ULK4: variants seen among roughly 807,000 people sequenced by gnomAD.
ULK4 encodes unc-51 like kinase 4.
In ULK4, 133 loss-of-function variants were observed where a neutral mutation model predicts 160.6. The ratio of observed to expected loss-of-function variants is 0.83; its 90% CI spans 0.72 to 0.96. The LOEUF (loss-of-function observed/expected upper bound fraction) is 0.96. ULK4 is among the 40% of genes least tolerant of loss of function. The pLI is 0.00. For missense variants in ULK4, 1,580 were observed against 1,499.5 expected (o/e 1.05, Z -0.89); for synonymous variants, 534 against 539.8 (o/e 0.99, Z 0.15).
intron 14 of ULK4, among the ~76,000 whole-genome samples, chr3:41,897,850 C>T (rs1226741770): frequency 1.3e-5 from 2 of 152,038 alleles, no homozygotes; most frequent in Admixed American, 6.6e-5. Flanking sequence ...ATAATTTTCC[C>T]CAAATCGAGT....
At chr3:41,265,182 G>A (rs1467111595) in intron 35 of ULK4, among the ~76,000 whole-genome samples, 1 of 152,234 alleles carries the variant, frequency 6.6e-6, no homozygotes, top group African/African-American at 2.4e-5. Flanking sequence ...GCAGGTAGGG[G>A]ACCATCTCAG....
chr3:41,446,315 T>C (rs984473405), intron 34 of ULK4, among the ~76,000 whole-genome samples: 3 of 152,144 alleles, frequency 2.0e-5, no homozygotes, highest in African/African-American at 7.2e-5. Flanking sequence ...GAAGTCAGTG[T>C]GGCGATTCCT....
At chr3:41,704,028 T>A (rs2036777927) in intron 27 of ULK4, among the ~76,000 whole-genome samples, 1 of 152,228 alleles carries the variant, frequency 6.6e-6, no homozygotes, top group Non-Finnish European at 1.5e-5. Context: ...ACAGTTTTTA[T>A]TTCTAAATTC....
chr3:41,891,888 G>A (rs987594429), intron 16 of ULK4, among the ~76,000 whole-genome samples: 1 of 152,176 alleles, frequency 6.6e-6, no homozygotes, highest in African/African-American at 2.4e-5. Flanking sequence ...CTGAGTGACT[G>A]AGCGAGACTC....
intron 32 of ULK4, among the ~76,000 whole-genome samples, chr3:41,533,922 C>T (rs894174219): frequency 3.3e-5 from 5 of 152,196 alleles, no homozygotes; most frequent in Non-Finnish European, 5.9e-5. Context: ...ATTCTCCTGC[C>T]TCAGCCTCCT....
At chr3:41,704,934 T>A in intron 27 of ULK4, 123 bp downstream of exon 27, 1 of 647,952 alleles carries the variant, frequency 1.5e-6, no homozygotes, top group Non-Finnish European at 2.5e-6. Flanking sequence ...GGTAGGGGGG[T>A]TCTGAATGGT....
rs58524691 is a variant in ULK4, at chr3:41,692,760, C to G, written c.2782-10956G>C. Among the ~76,000 whole-genome samples, 25 of 152,230 alleles carry G rather than the reference C, an allele frequency of 1.6e-4. No homozygotes were observed. The East Asian group carries it at 4.8e-3, about 29-fold the overall frequency. ...GTGCTAAAGTTCATTTGACAATGTG[C>G]TCTGAAAGCAGAGACCTACTGAACT... On this transcript the variant is annotated intron_variant, in intron 27 of 36. Coordinates refer to ENST00000301831, the MANE Select transcript of ULK4 (RefSeq NM_017886.4).
intron 2 of ULK4, among the ~76,000 whole-genome samples, chr3:41,939,717 G>A (rs1699890548): frequency 6.6e-6 from 1 of 152,090 alleles, no homozygotes; most frequent in Admixed American, 6.5e-5. Flanking sequence ...CCATGGACCA[G>A]TCCAGGTCCA....
intron 34 of ULK4, among the ~76,000 whole-genome samples, chr3:41,405,352 C>T (rs1023741568): frequency 6.6e-6 from 1 of 152,062 alleles, no homozygotes; most frequent in East Asian, 1.9e-4. Context: ...GTATATGTAT[C>T]ATATTTTCTT....
chr3:41,635,444 A>G (rs2033915218), intron 30 of ULK4, among the ~76,000 whole-genome samples: 1 of 152,038 alleles, frequency 6.6e-6, no homozygotes, highest in African/African-American at 2.4e-5. Flanking sequence ...ATATAAATAT[A>G]TAGAAGCATA....
chr3:41,509,560 A>T (rs1256396), intron 32 of ULK4, among the ~76,000 whole-genome samples: 127,788 of 152,116 alleles, frequency 0.84, 54,986 homozygotes, highest in Non-Finnish European at 0.94. Context: ...AAAGGATCTT[A>T]AGAGCTGTGA....
At chr3:41,460,881 T>A (rs1008143494) in intron 33 of ULK4, among the ~76,000 whole-genome samples, 2 of 152,262 alleles carry the variant, frequency 1.3e-5, no homozygotes, top group Non-Finnish European at 2.9e-5. Flanking sequence ...ATGAGGAAAC[T>A]GATACTTAGG....
chr3:41,496,647 C>G (rs2085002268), intron 32 of ULK4, among the ~76,000 whole-genome samples: 1 of 152,092 alleles, frequency 6.6e-6, no homozygotes, highest in Admixed American at 6.5e-5. Flanking sequence ...CTGCCCTAGT[C>G]TTTGGCTTTA....
chr3:41,839,985 G>A (rs2041864641), intron 17 of ULK4, among the ~76,000 whole-genome samples: 1 of 152,078 alleles, frequency 6.6e-6, no homozygotes, highest in Admixed American at 6.5e-5. Flanking sequence ...TCAACGTAGT[G>A]GAAAATGTCA....
chr3:41,579,908 C>A (rs1335145978), intron 31 of ULK4, among the ~76,000 whole-genome samples: 2 of 152,120 alleles, frequency 1.3e-5, no homozygotes, highest in East Asian at 1.9e-4. Context: ...CATGCCATTA[C>A]CCAAAGACAG....
At chr3:41,757,357 G>A (rs2038837129) in intron 21 of ULK4, among the ~76,000 whole-genome samples, 2 of 152,032 alleles carry the variant, frequency 1.3e-5, no homozygotes, top group South Asian at 4.2e-4. Flanking sequence ...TTTTGGCCAG[G>A]CACAGTGGCT....
intron 30 of ULK4, among the ~76,000 whole-genome samples, chr3:41,621,110 A>G (rs764361488): frequency 9.2e-5 from 14 of 152,210 alleles, no homozygotes; most frequent in South Asian, 2.1e-4. Flanking sequence ...CAAGAAAATA[A>G]GAGAGGACAC....
At position 41,811,456 on chromosome 3, in the gene ULK4, C is replaced by G. The variant is rs550255235; in HGVS notation, c.1848+7967G>C. ...TACAGGTGTGATTGAGCCATGGCAC[C>G]TGGCCAAACATGGGCTATTGGTTCT... On this transcript the variant is annotated intron_variant, in intron 19 of 36. Transcript: ENST00000301831. Among the ~76,000 whole-genome samples, 12 of 152,296 alleles carry G rather than the reference C, an allele frequency of 7.9e-5. No homozygotes were observed. In the South Asian group the frequency reaches 2.3e-3, roughly 29 times the overall value.
At chr3:41,874,608 T>C (rs1396252395) in intron 17 of ULK4, among the ~76,000 whole-genome samples, 1 of 152,210 alleles carries the variant, frequency 6.6e-6, no homozygotes, top group African/African-American at 2.4e-5. Context: ...AACTCAGGAA[T>C]AGAAATCCAA....
Sources: allele counts gnomAD v4.1 joint callset (sites outside exome capture counted in the v4.1 genomes callset), GRCh38; gene constraint gnomAD v4.1.1; transcripts MANE v1.5; gene names NCBI Gene and HGNC (gene_info 2026-07-23, HGNC 2026-07-21).